PDE4D: variants seen among roughly 807,000 people sequenced by gnomAD.
The protein encoded by PDE4D is 3',5'-cyclic-AMP phosphodiesterase 4D.
PDE4D carries 24 observed loss-of-function variants against 87.4 expected under a neutral mutation model. That is an observed-to-expected ratio of 0.27 (90% CI 0.20 to 0.39). The LOEUF is 0.39. PDE4D is among the 10% of genes least tolerant of loss of function. PDE4D has a pLI of 1.00. For synonymous variants in PDE4D, 384 were observed against 383.2 expected, an observed-to-expected ratio of 1.00 and a Z score of -0.02; for missense variants, 714 against 1,041.0, an observed-to-expected ratio of 0.69 and a Z score of 4.32.
rs1760268511 is a variant in PDE4D, at chr5:60,363,585, G to A, written c.-90+124357C>T. 2.0e-5 allele frequency among the ~76,000 whole-genome samples: 3 copies of A among 152,084 alleles called. No individual in the cohort carries two copies. In the South Asian group the frequency reaches 6.2e-4, roughly 32 times the overall value. The stretch of plus-strand genomic sequence containing the variant: ...TCACAAGGCTTACATTTTAATGAGA[G>A]GCAAATAATAAGTAAGATAAGTTCA... On this transcript the variant is annotated intron_variant, in intron 1 of 16. Coordinates refer to the PDE4D transcript ENST00000502484.
intron 1 of PDE4D, among the ~76,000 whole-genome samples, chr5:59,754,005 A>C (rs1760859001): frequency 6.6e-6 from 1 of 152,110 alleles, no homozygotes; most frequent in Admixed American, 6.5e-5. Flanking sequence ...GTTTCTATCA[A>C]CAGTGTAAAA....
chr5:60,375,331 AC>A (rs1300141991), intron 1 of PDE4D, among the ~76,000 whole-genome samples: 4 of 151,934 alleles, frequency 2.6e-5, no homozygotes, highest in Non-Finnish European at 2.9e-5. Context: ...AATGCTCCCT[AC>A]CCCTATTTGT....
chr5:59,847,777 T>C (rs1744079322), intron 1 of PDE4D, among the ~76,000 whole-genome samples: 2 of 152,220 alleles, frequency 1.3e-5, no homozygotes, highest in South Asian at 4.1e-4. Flanking sequence ...CTGAAAGTCC[T>C]GCCTGAAACC....
chr5:59,615,142 T>C (rs1829504811), intron 1 of PDE4D, among the ~76,000 whole-genome samples: 1 of 152,322 alleles, frequency 6.6e-6, no homozygotes, highest in South Asian at 2.1e-4. Context: ...GATATTTTTA[T>C]GTTGAACATT....
chr5:59,355,976 C>A (rs1387677831), intron 1 of PDE4D, among the ~76,000 whole-genome samples: 1 of 152,122 alleles, frequency 6.6e-6, no homozygotes, highest in African/African-American at 2.4e-5. Context: ...ATTTTGCAAA[C>A]AATGTCACTT....
At chr5:59,384,054 A>AT (rs1786460717) in intron 1 of PDE4D, among the ~76,000 whole-genome samples, 2 of 133,158 alleles carry the variant, frequency 1.5e-5, no homozygotes, top group African/African-American at 3.3e-5. Context: ...ACACCTGGCT[A>AT]TTTTTTTATT....
intron 5 of PDE4D, among the ~76,000 whole-genome samples, chr5:59,077,086 T>TA (rs1765803174): frequency 6.6e-6 from 1 of 152,192 alleles, no homozygotes; most frequent in South Asian, 2.1e-4. Context: ...AAATGCTATA[T>TA]GACAATTGGT....
At chr5:59,947,623 A>C (rs1171318751) in intron 3 of PDE4D, among the ~76,000 whole-genome samples, 1 of 152,218 alleles carries the variant, frequency 6.6e-6, no homozygotes, top group East Asian at 1.9e-4. Context: ...TCAAAGTGAA[A>C]TGTAGATACT....
chr5:60,415,325 G>A (rs573297810), intron 1 of PDE4D, among the ~76,000 whole-genome samples: 6 of 152,344 alleles, frequency 3.9e-5, no homozygotes, highest in Admixed American at 1.3e-4. Flanking sequence ...GGCTCTCAGC[G>A]CCTCCTTGGC....
intron 1 of PDE4D, among the ~76,000 whole-genome samples, chr5:59,794,927 T>G (rs569258024): frequency 6.6e-6 from 1 of 152,192 alleles, no homozygotes; most frequent in Non-Finnish European, 1.5e-5. Context: ...TCACTCAGGG[T>G]GGATCCTGGA....
intron 1 of PDE4D, among the ~76,000 whole-genome samples, chr5:60,244,854 T>C (rs894819102): frequency 6.6e-6 from 1 of 151,856 alleles, no homozygotes; most frequent in African/African-American, 2.4e-5. Flanking sequence ...AAAGAAAACA[T>C]TGGGGAAACT....
At chr5:59,868,023 A>T (rs1042007897) in intron 1 of PDE4D, among the ~76,000 whole-genome samples, 4 of 152,140 alleles carry the variant, frequency 2.6e-5, no homozygotes, top group Admixed American at 2.6e-4. Flanking sequence ...TAATCAATTG[A>T]TCTTTTAGAA....
chr5:60,087,473 T>A (rs1004116163), intron 2 of PDE4D, among the ~76,000 whole-genome samples: 1 of 152,242 alleles, frequency 6.6e-6, no homozygotes, highest in Non-Finnish European at 1.5e-5. Context: ...CTTAAAGAAG[T>A]TGAAAGAATC....
chr5:60,149,470 T>C (rs940575216), intron 2 of PDE4D, among the ~76,000 whole-genome samples: 7 of 152,170 alleles, frequency 4.6e-5, no homozygotes, highest in African/African-American at 1.7e-4. Flanking sequence ...CACTGCTACA[T>C]TGGGGATTAA....
intron 1 of PDE4D, among the ~76,000 whole-genome samples, chr5:59,790,675 C>T (rs1165935135): frequency 6.6e-6 from 1 of 152,118 alleles, no homozygotes; most frequent in East Asian, 1.9e-4. Flanking sequence ...ATTTTTGATT[C>T]CACCCTCTGC....
At chr5:59,152,921 G>A (rs1214488629) in intron 5 of PDE4D, among the ~76,000 whole-genome samples, 2 of 152,118 alleles carry the variant, frequency 1.3e-5, no homozygotes, top group Non-Finnish European at 1.5e-5. Flanking sequence ...GGAAAGCACT[G>A]TGGAGTTGTT....
chr5:59,338,227 A>G (rs1216112629), intron 1 of PDE4D, among the ~76,000 whole-genome samples: 1 of 152,226 alleles, frequency 6.6e-6, no homozygotes, highest in African/African-American at 2.4e-5. Flanking sequence ...GGTAATAAGG[A>G]AAGATAACCA....
intron 1 of PDE4D, among the ~76,000 whole-genome samples, chr5:60,497,166 A>G (rs1561315980): frequency 6.6e-6 from 1 of 152,200 alleles, no homozygotes; most frequent in Non-Finnish European, 1.5e-5. Context: ...CATTTCAGTA[A>G]GTATCAGCCA....
At chr5:59,002,777 C>A (rs1750799374) in intron 6 of PDE4D, among the ~76,000 whole-genome samples, 1 of 152,072 alleles carries the variant, frequency 6.6e-6, no homozygotes, top group South Asian at 2.1e-4. Flanking sequence ...ACCCACAAAG[C>A]CATGAAAACT....
Sources: allele counts gnomAD v4.1 joint callset (sites outside exome capture counted in the v4.1 genomes callset), GRCh38; gene constraint gnomAD v4.1.1; transcripts MANE v1.5; gene names NCBI Gene and HGNC (gene_info 2026-07-23, HGNC 2026-07-21).